The following AGFG1 variants were observed in gnomAD, a reference collection of about 807,000 sequenced individuals.
AGFG1 encodes the protein arf-GAP domain and FG repeat-containing protein 1.
AGFG1 carries 10 observed loss-of-function variants against 60.6 expected under a neutral mutation model. The observed-to-expected ratio is 0.16, with a 90% CI of 0.10 to 0.28. The LOEUF (loss-of-function observed/expected upper bound fraction) is 0.28. Ranked by LOEUF, AGFG1 falls within the 10% of genes least tolerant of loss-of-function variation. The probability of loss-of-function intolerance (pLI) is 1.00; values close to 1 mark genes in which losing one functional copy is unlikely to be tolerated. For synonymous variants in AGFG1, 247 were observed against 242.9 expected, an observed-to-expected ratio of 1.02 and a Z score of -0.16; for missense variants, 537 against 676.5, an observed-to-expected ratio of 0.79 and a Z score of 2.29.
Position 227,472,407 on chromosome 2 carries a change from C to CT in AGFG1, c.-13dup. ...GCTCCCGGCCCTGCCGGCCTCCTCC[C>CT]TTGGCGCCGCGGCCATGGCGGCCAG... On this transcript the variant is annotated 5_prime_UTR_variant, in exon 1 of 13. Transcript: ENST00000310078. 6.9e-7 allele frequency: 1 copy of CT among 1,453,768 alleles called. No homozygotes were observed. The allele number at this position is 1,453,768 out of a possible 1,614,324, so 90.1% of individuals were successfully genotyped here.
intron 2 of AGFG1, among the ~76,000 whole-genome samples, chr2:227,514,605 A>G (rs903434980): frequency 3.3e-5 from 5 of 152,336 alleles, no homozygotes; most frequent in African/African-American, 1.2e-4. Context: ...TGCATTTTAC[A>G]GATAAATGTT....
At chr2:227,498,423 G>A (rs909100422) in intron 2 of AGFG1, among the ~76,000 whole-genome samples, 12 of 152,210 alleles carry the variant, frequency 7.9e-5, no homozygotes, top group African/African-American at 2.4e-4. Context: ...GATATCTCAG[G>A]TTTAAAACCA....
chr2:227,509,561 G>A (rs909497072), intron 2 of AGFG1, among the ~76,000 whole-genome samples: 4 of 152,018 alleles, frequency 2.6e-5, no homozygotes, highest in Non-Finnish European at 5.9e-5. Flanking sequence ...ACATTTAGGG[G>A]TAAAAGGCTT....
intron 5 of AGFG1, 141 bp downstream of exon 5, chr2:227,525,056 G>A (rs939905483): frequency 4.7e-5 from 44 of 939,020 alleles, no homozygotes; most frequent in Non-Finnish European, 5.2e-5. Context: ...GCTGTAATAT[G>A]TAACCATATA....
At chr2:227,496,472 GTGTGCCAGGAAC>G (rs1197083839) in intron 2 of AGFG1, among the ~76,000 whole-genome samples, 2 of 151,548 alleles carry the variant, frequency 1.3e-5, no homozygotes, top group Non-Finnish European at 2.9e-5. Context: ...ATAGCCTGCT[GTGTGCCAGGAAC>G]TGTCCTTAGG....
intron 1 of AGFG1, among the ~76,000 whole-genome samples, chr2:227,490,365 T>A (rs940567466): frequency 6.6e-6 from 1 of 151,982 alleles, no homozygotes; most frequent in African/African-American, 2.4e-5. Flanking sequence ...GATCACGAGG[T>A]CAGGAGATTG....
In AGFG1 at chr2:227,559,916, T is replaced by TA. The variant is rs1368756897; in HGVS notation, c.*5422dup. On this transcript the variant is annotated 3_prime_UTR_variant, in exon 13 of 13. Coordinates refer to ENST00000310078, the MANE Select transcript of AGFG1 (RefSeq NM_004504.5). ...TTTAAAGGTTTTTTGTATGCTATAA[T>TA]ATATGCTTATGATTTCTAAAAATTA... 6.6e-6 allele frequency: 1 copy of TA among 152,274 alleles called. No homozygotes were observed. The highest frequency in any genetic ancestry group is 2.4e-5 in the African/African-American group (1 of 41,570). The allele number at this position is 152,274 out of a possible 1,614,324, so 9.4% of individuals were successfully genotyped here. A position where few individuals can be genotyped will look rare whatever the true frequency, so the allele number is the denominator to read the frequency against.
In AGFG1 at chr2:227,472,402, C is replaced by T. The variant is rs754802716; in HGVS notation, c.-20C>T. On this transcript the variant is annotated 5_prime_UTR_variant, in exon 1 of 13. Transcript: ENST00000310078. ...GCCCGGCTCCCGGCCCTGCCGGCCT[C>T]CTCCCTTGGCGCCGCGGCCATGGCG... The T allele has an allele frequency of 2.8e-6, 4 of 1,432,050 alleles. No individual in the cohort carries two copies. The highest frequency in any genetic ancestry group is 3.7e-6 in the Non-Finnish European group (4 of 1,081,770). 88.7% of individuals were successfully genotyped at this position (1,432,050 alleles called of 1,614,324 possible).
intron 2 of AGFG1, among the ~76,000 whole-genome samples, chr2:227,502,562 C>G (rs1691190721): frequency 6.6e-6 from 1 of 152,082 alleles, no homozygotes; most frequent in Non-Finnish European, 1.5e-5. Context: ...CTCAGGTGAT[C>G]CACCTGCCTC....
intron 10 of AGFG1, 117 bp from the exon 11 acceptor site, chr2:227,551,842 C>T: frequency 7.8e-7 from 1 of 1,275,554 alleles, no homozygotes; most frequent in Admixed American, 2.3e-5. Context: ...TTAACCCTGC[C>T]TTTAATGTAC....
chr2:227,534,694 A>C, intron 7 of AGFG1, 151 bp from the exon 8 acceptor site: 10 of 738,344 alleles, frequency 1.4e-5, no homozygotes, highest in Non-Finnish European at 2.0e-5. Flanking sequence ...CCTGTCCAGT[A>C]TGGTCCAGGT....
intron 2 of AGFG1, among the ~76,000 whole-genome samples, chr2:227,506,970 A>G (rs761681814): frequency 5.9e-5 from 9 of 152,004 alleles, no homozygotes; most frequent in Non-Finnish European, 1.3e-4. Flanking sequence ...AAGATCCACT[A>G]TTTCATAGGT....
intron 2 of AGFG1, among the ~76,000 whole-genome samples, chr2:227,503,804 C>T (rs1691228669): frequency 1.3e-5 from 2 of 152,180 alleles, no homozygotes; most frequent in South Asian, 4.1e-4. Flanking sequence ...CTCATTTCAT[C>T]TAAGTTGTCA....
intron 2 of AGFG1, among the ~76,000 whole-genome samples, chr2:227,495,067 G>C (rs926220309): frequency 2.0e-5 from 3 of 152,194 alleles, no homozygotes; most frequent in African/African-American, 7.2e-5. Flanking sequence ...TCTACAGTGT[G>C]TTTGGTGGAG....
At chr2:227,479,248 A>G (rs958827519) in intron 1 of AGFG1, among the ~76,000 whole-genome samples, 3 of 152,210 alleles carry the variant, frequency 2.0e-5, no homozygotes, top group Admixed American at 2.0e-4. Flanking sequence ...TGGTGACATC[A>G]TTTGACCATA....
intron 1 of AGFG1, among the ~76,000 whole-genome samples, chr2:227,484,549 A>G (rs894242587): frequency 6.6e-6 from 1 of 151,994 alleles, no homozygotes; most frequent in Non-Finnish European, 1.5e-5. Context: ...ATGTTACTGT[A>G]ATAAGATGAT....
At chr2:227,549,896 A>G (rs977772707) in intron 10 of AGFG1, among the ~76,000 whole-genome samples, 1 of 152,246 alleles carries the variant, frequency 6.6e-6, no homozygotes, top group African/African-American at 2.4e-5. Flanking sequence ...GGTTGAAATT[A>G]AAAGTCTTAT....
At chr2:227,532,611 G>A (rs563228209) in intron 6 of AGFG1, among the ~76,000 whole-genome samples, 14 of 151,700 alleles carry the variant, frequency 9.2e-5, no homozygotes, top group Non-Finnish European at 1.3e-4. Flanking sequence ...GAAAGTGTTC[G>A]TGTTTTTTTA....
rs1425318070 is a variant in AGFG1, at chr2:227,539,448, AAAC to A, written c.1378+2458_1378+2460del. On this transcript the variant is annotated intron_variant, in intron 10 of 12. Coordinates refer to ENST00000310078, the MANE Select transcript of AGFG1 (RefSeq NM_004504.5). Reference sequence around the variant, plus strand: ...ACAGAGCAAGACTCTGTCTCAAAAAAAACAAAAAACACATGTTAACACTGTGAA... The same window carrying A: ...ACAGAGCAAGACTCTGTCTCAAAAAAAAAAAACACATGTTAACACTGTGAA... Among the ~76,000 whole-genome samples, 7 of 142,060 alleles carry A rather than the reference AAAC, an allele frequency of 4.9e-5. No homozygotes were observed. The South Asian group carries it at 1.7e-3, about 35-fold the overall frequency. 93.2% of individuals were successfully genotyped at this position (142,060 alleles called of 152,430 possible). A position where few individuals can be genotyped will look rare whatever the true frequency, so the allele number is the denominator to read the frequency against.
Sources: allele counts gnomAD v4.1 joint callset (sites outside exome capture counted in the v4.1 genomes callset), GRCh38; gene constraint gnomAD v4.1.1; transcripts MANE v1.5; gene names NCBI Gene and HGNC (gene_info 2026-07-23, HGNC 2026-07-21).